The following FGF13 variants were observed in gnomAD, a reference collection of about 807,000 sequenced individuals.
FGF13 encodes the protein fibroblast growth factor 13.
FGF13 carries 2 observed loss-of-function variants against 19.5 expected under a neutral mutation model. The ratio of observed to expected loss-of-function variants is 0.10; its 90% CI spans 0.04 to 0.32. The LOEUF (loss-of-function observed/expected upper bound fraction) is 0.32, where lower values mean the gene tolerates loss of function less well. Ranked by LOEUF, FGF13 falls within the 10% of genes least tolerant of loss-of-function variation. FGF13 has a pLI of 1.00. For missense variants in FGF13, 113 were observed against 192.7 expected (o/e 0.59, Z 2.45); for synonymous variants, 72 against 76.9 (o/e 0.94, Z 0.33).
In FGF13 at chrX:139,150,977, G is replaced by C. The variant is rs757893096; in HGVS notation, c.-113+52439C>G. Among the ~76,000 whole-genome samples the C allele has an allele frequency of 2.0e-4, 22 of 109,967 alleles. 1 individual carries two copies. Among genetic ancestry groups the C allele is most frequent in the African/African-American group, 5.9e-4 (18 of 30,260 alleles). The stretch of plus-strand genomic sequence containing the variant: ...TCTGTCCATATCCTTTTAATACTTA[G>C]CTCTCCTGGGCCCCGTATGTTAGGA... On this transcript the variant is annotated intron_variant, in intron 1 of 2. Transcript: ENST00000421460.
At chrX:138,932,867 C>T (rs917760260) in intron 1 of FGF13, among the ~76,000 whole-genome samples, 1 of 110,522 alleles carries the variant, frequency 9.0e-6, no homozygotes, top group Non-Finnish European at 1.9e-5. Context: ...GCTCTACAGG[C>T]CCTGGCTTAT....
intron 1 of FGF13, among the ~76,000 whole-genome samples, chrX:138,987,858 A>T (rs1480259509): frequency 8.9e-6 from 1 of 112,218 alleles, no homozygotes; most frequent in Non-Finnish European, 1.9e-5. Context: ...GTTCATTCTC[A>T]ATGTTGATGA....
chrX:138,707,116 T>C (rs1177366406), intron 2 of FGF13, among the ~76,000 whole-genome samples: 2 of 111,642 alleles, frequency 1.8e-5, no homozygotes, highest in African/African-American at 6.5e-5. Flanking sequence ...TAAAACCTAC[T>C]GTATGATTTA....
At chrX:138,903,783 C>A (rs1224273639) in intron 1 of FGF13, among the ~76,000 whole-genome samples, 1 of 111,837 alleles carries the variant, frequency 8.9e-6, no homozygotes, top group East Asian at 2.8e-4. Context: ...AATTACCTTG[C>A]ATATTTGCTC....
chrX:138,899,170 C>T (rs2091518867), intron 1 of FGF13, among the ~76,000 whole-genome samples: 1 of 111,336 alleles, frequency 9.0e-6, no homozygotes, highest in Non-Finnish European at 1.9e-5. Flanking sequence ...ATTGGAAAGA[C>T]TCAGATGAGA....
At chrX:138,648,602 A>C (rs2089332352) in intron 3 of FGF13, among the ~76,000 whole-genome samples, 1 of 111,592 alleles carries the variant, frequency 9.0e-6, no homozygotes, top group Admixed American at 9.6e-5. Context: ...TTCCTCCTAA[A>C]TCTCTTTCTT....
intron 1 of FGF13, among the ~76,000 whole-genome samples, chrX:138,977,422 T>C (rs960496820): frequency 1.8e-5 from 2 of 112,069 alleles, no homozygotes; most frequent in African/African-American, 6.5e-5. Context: ...ATCTACTACT[T>C]AATAGGTGAG....
intron 3 of FGF13, among the ~76,000 whole-genome samples, chrX:138,805,319 C>T (rs2090858137): frequency 8.9e-6 from 1 of 111,880 alleles, no homozygotes; most frequent in Non-Finnish European, 1.9e-5. Context: ...AAATACTTTG[C>T]CATATGTTCA....
intron 1 of FGF13, among the ~76,000 whole-genome samples, chrX:138,727,596 T>A (rs779192653): frequency 6.3e-5 from 7 of 111,697 alleles, no homozygotes; most frequent in African/African-American, 2.3e-4. Context: ...TTTAATTATA[T>A]GGGAGAACAG....
rs186385706 is a variant in FGF13, at chrX:138,724,322, A to G, written c.28+14920T>C. Among the ~76,000 whole-genome samples, 244 of 111,993 alleles carry G rather than the reference A, an allele frequency of 2.2e-3. 1 individual carries two copies. Among genetic ancestry groups the G allele is most frequent in the Non-Finnish European group, 3.6e-3 (193 of 53,075 alleles). On this transcript the variant is annotated intron_variant, in intron 1 of 4. Coordinates refer to the FGF13 transcript ENST00000305414. ...ACACAGACCTATTCCAGTACCAATC[A>G]GATGTTGTGGAAGGGATTCTTGCAT...
chrX:138,696,463 T>C (rs932695616), intron 3 of FGF13, among the ~76,000 whole-genome samples: 12 of 111,961 alleles, frequency 1.1e-4, no homozygotes, highest in African/African-American at 3.9e-4. Context: ...TTGTACACAC[T>C]TTAAATGGAT....
chrX:139,072,196 G>C (rs1323105525), intron 1 of FGF13, among the ~76,000 whole-genome samples: 2 of 107,907 alleles, frequency 1.9e-5, no homozygotes, highest in Non-Finnish European at 3.8e-5. Context: ...ATAAAAGTGG[G>C]GCCCTAATCC....
At chrX:138,711,819 AC>A (rs1199709677), upstream of FGF13, among the ~76,000 whole-genome samples, 4 of 13,638 alleles carry the variant, frequency 2.9e-4, no homozygotes, top group African/African-American at 1.0e-3. Flanking sequence ...CCCCACCCCC[AC>A]CCCCCCAAGT....
chrX:139,029,566 CT>C (rs2092218352), intron 1 of FGF13, among the ~76,000 whole-genome samples: 1 of 111,630 alleles, frequency 9.0e-6, no homozygotes, highest in African/African-American at 3.3e-5. Context: ...TGAAGATCCC[CT>C]GTACATGTAA....
chrX:138,802,306 G>A (rs148867776), intron 3 of FGF13, among the ~76,000 whole-genome samples: 239 of 111,333 alleles, frequency 2.1e-3, no homozygotes, highest in African/African-American at 6.4e-3. Flanking sequence ...TATGTCAGCC[G>A]GGTAGCACAG....
intron 1 of FGF13, among the ~76,000 whole-genome samples, chrX:139,024,633 A>G (rs2092193602): frequency 9.0e-6 from 1 of 111,519 alleles, no homozygotes; most frequent in South Asian, 3.8e-4. Flanking sequence ...ATCATAGTAG[A>G]TTAATTCATA....
intron 1 of FGF13, among the ~76,000 whole-genome samples, chrX:139,068,203 T>A (rs1287270703): frequency 1.1e-5 from 1 of 93,203 alleles, no homozygotes; most frequent in African/African-American, 4.8e-5. Context: ...TTTCTACATA[T>A]GGCTAGCCAG....
intron 3 of FGF13, among the ~76,000 whole-genome samples, chrX:138,744,916 A>C (rs1462733136): frequency 1.8e-5 from 2 of 111,858 alleles, no homozygotes; most frequent in African/African-American, 6.5e-5. Context: ...AACTTTCCCA[A>C]ATATTGACTG....
intron 1 of FGF13, among the ~76,000 whole-genome samples, chrX:139,142,710 AGTT>A (rs113975218): frequency 0.06 from 6,650 of 111,564 alleles, 514 homozygotes; most frequent in African/African-American, 0.2. Flanking sequence ...CTGTCTCAAA[AGTT>A]GTTGTGAGAA....
Sources: allele counts gnomAD v4.1 joint callset (sites outside exome capture counted in the v4.1 genomes callset), GRCh38; gene constraint gnomAD v4.1.1; transcripts MANE v1.5; gene names NCBI Gene and HGNC (gene_info 2026-07-23, HGNC 2026-07-21).